The following CHD4 variants were observed in gnomAD, a reference collection of about 807,000 sequenced individuals.
CHD4 encodes the protein chromodomain helicase DNA binding protein 4, also known as ATP-dependent chromatin remodeler CHD4.
In CHD4, 35 loss-of-function variants were observed where a neutral mutation model predicts 235.5. The ratio of observed to expected loss-of-function variants is 0.15; its 90% CI spans 0.11 to 0.20. CHD4 has a LOEUF of 0.20. Among genes scored for constraint, CHD4 ranks in the 10% least tolerant of loss-of-function variants. CHD4 has a pLI of 1.00. For synonymous variants in CHD4, 900 were observed against 850.2 expected (o/e 1.06, Z -1.02); for missense variants, 1,329 against 2,432.3 (o/e 0.55, Z 9.54).
At chr12:6,603,732 C>T (rs968355796) in intron 2 of CHD4, among the ~76,000 whole-genome samples, 1 of 152,150 alleles carries the variant, frequency 6.6e-6, no homozygotes, top group South Asian at 2.1e-4. Flanking sequence ...AAGAGAAGAA[C>T]TCGATCACTC....
In CHD4 at chr12:6,570,967, T is replaced by C; in HGVS notation, c.5623A>G (p.Ile1875Val). 6.2e-7 allele frequency: 1 copy of C among 1,614,184 alleles called. No individual in the cohort carries two copies. Among genetic ancestry groups the C allele is most frequent in the South Asian group, 1.1e-5 (1 of 91,084 alleles). Reference protein sequence around the residue: ...KADVTRLPATIARIPPVAVRL... With the variant: ...KADVTRLPATVARIPPVAVRL... ...ACAGCAACTGGGGGAATTCGGGCAA[T>C]GGTAGCTGGGAGTCGAGTCACATCA... Residue 1875 changes from isoleucine (I) to valine (V), a missense_variant, in exon 39 of 40, where the codon ATT (isoleucine) becomes GTT (valine). By Grantham distance (29) the Ile-to-Val change is conservative (BLOSUM62 3). This residue lies in a region of CHD4 where 135 missense variants were observed against 282.3 expected (regional missense o/e 0.48). Transcript: ENST00000544040.
chr12:6,600,290 C>T lies in CHD4; in HGVS notation c.1169G>A (p.Arg390His), dbSNP rs756628084. 5 of 1,614,120 alleles carry T rather than the reference C, an allele frequency of 3.1e-6. No individual in the cohort carries two copies. Among genetic ancestry groups the T allele is most frequent in the Non-Finnish European group, 3.4e-6 (4 of 1,180,024 alleles). The stretch of plus-strand genomic sequence containing the variant: ...ATCCAGGCAGACCATGTGGTAAGCA[C>T]GGGGACAGGTATCACACAGGATGAT... ...GEIILCDTCP[R>H]AYHMVCLDPD... The change falls in exon 9 of 40, where the codon CGT becomes CAT. Residue 390 changes from arginine to histidine, a missense_variant. Coordinates refer to ENST00000544040, the MANE Select transcript of CHD4 (RefSeq NM_001273.5).
chr12:6,595,827 G>GT (rs1948483074), intron 13 of CHD4, among the ~76,000 whole-genome samples, 179 bp downstream of exon 13: 2 of 150,420 alleles, frequency 1.3e-5, no homozygotes, highest in Admixed American at 6.6e-5. Flanking sequence ...GTGTGGTGGC[G>GT]TATGCAAATA....
At chr12:6,602,738 AC>A (rs1948619801) in intron 2 of CHD4, among the ~76,000 whole-genome samples, 3 of 152,066 alleles carry the variant, frequency 2.0e-5, no homozygotes, top group African/African-American at 7.2e-5. Context: ...AGCTGTCCAG[AC>A]CCCTGCCTCC....
chr12:6,590,434 G>C (rs995773266), intron 22 of CHD4, among the ~76,000 whole-genome samples: 8 of 152,130 alleles, frequency 5.3e-5, no homozygotes, highest in Non-Finnish European at 1.2e-4. Flanking sequence ...AGAGAAGCTA[G>C]CTAGTTGAAC....
chr12:6,597,821 C>G (rs1948526060), intron 12 of CHD4, 73 bp downstream of exon 12: 1 of 1,333,330 alleles, frequency 7.5e-7, no homozygotes, highest in African/African-American at 1.5e-5. Flanking sequence ...TTACTGGTGA[C>G]AGCCATTTTC....
At chr12:6,577,655 G>T in intron 37 of CHD4, 130 bp downstream of exon 37, 1 of 1,247,374 alleles carries the variant, frequency 8.0e-7, no homozygotes, top group Non-Finnish European at 1.1e-6. Context: ...TAAGTTACTT[G>T]GGAGCAAAGC....
chr12:6,597,758 C>G, intron 12 of CHD4, 136 bp downstream of exon 12: 1 of 767,800 alleles, frequency 1.3e-6, no homozygotes, highest in Admixed American at 2.4e-5. Context: ...GAGTGAGACT[C>G]TGTCTCAAAA....
intron 11 of CHD4, 44 bp from the exon 12 acceptor site, chr12:6,598,143 A>G (rs1948531088): frequency 1.9e-6 from 3 of 1,612,774 alleles, no homozygotes; most frequent in Non-Finnish European, 2.5e-6. Flanking sequence ...AGCTGTGTTC[A>G]TTCCTTCTAT....
chr12:6,573,352 A>G (rs932206109), intron 37 of CHD4, 83 bp from the exon 38 acceptor site: 2 of 1,128,684 alleles, frequency 1.8e-6, no homozygotes, highest in Non-Finnish European at 2.4e-6. Flanking sequence ...CTCACCTCTC[A>G]TTGTTTCAGA....
chr12:6,604,470 C>A (rs12099908), intron 2 of CHD4, among the ~76,000 whole-genome samples: 34,463 of 151,872 alleles, frequency 0.23, 5,392 homozygotes, highest in African/African-American at 0.45. Flanking sequence ...GGCACAAGAA[C>A]GCCCCTCCCA....
intron 28 of CHD4, 26 bp from the exon 29 acceptor site, chr12:6,582,774 G>C: frequency 6.2e-7 from 1 of 1,614,110 alleles, no homozygotes; most frequent in Non-Finnish European, 8.5e-7. Context: ...ACCCAGGTGA[G>C]AGGCAGCAGG....
chr12:6,590,827 T>TAAACA (rs1373775565), intron 22 of CHD4, among the ~76,000 whole-genome samples: 1 of 151,646 alleles, frequency 6.6e-6, no homozygotes, highest in Non-Finnish European at 1.5e-5. Flanking sequence ...CTATCTCGAA[T>TAAACA]AAACAAAACA....
intron 4 of CHD4, 70 bp downstream of exon 4, chr12:6,601,890 C>A: frequency 2.6e-6 from 4 of 1,565,688 alleles, no homozygotes; most frequent in South Asian, 1.1e-5. Flanking sequence ...TTCTAAAGGG[C>A]AGTAAGGTGT....
At chr12:6,584,923 C>T (rs147152222) in intron 25 of CHD4, among the ~76,000 whole-genome samples, 4 of 152,162 alleles carry the variant, frequency 2.6e-5, no homozygotes, top group Non-Finnish European at 5.9e-5. Flanking sequence ...TTGAACACTA[C>T]GGTACACAGA....
Position 6,570,157 on chromosome 12 carries a change from C to CT in CHD4, c.*518dup, listed in dbSNP as rs201057993. 1,525 of 145,530 alleles carry CT rather than the reference C, an allele frequency of 0.01. 11 individuals are homozygous for CT. The highest frequency in any genetic ancestry group is 0.015 in the East Asian group (74 of 5,030). 9.0% of individuals were successfully genotyped at this position (145,530 alleles called of 1,614,324 possible). A position where few individuals can be genotyped will look rare whatever the true frequency, so the allele number is the denominator to read the frequency against. On this transcript the variant is annotated 3_prime_UTR_variant, in exon 40 of 40. Transcript: ENST00000544040. ...GGTTTTTTATGCTTTTGGTTTTTTCCTTTTTTTTTTTTTCCACTTTATTTC... is the reference window on the plus strand; with the variant it reads ...GGTTTTTTATGCTTTTGGTTTTTTCCTTTTTTTTTTTTTTCCACTTTATTTC...
chr12:6,571,148 TTC>T (rs1383430738), intron 38 of CHD4, 116 bp from the exon 39 acceptor site: 3 of 1,208,272 alleles, frequency 2.5e-6, no homozygotes, highest in Middle Eastern at 2.7e-4. Flanking sequence ...ATGTATTGTC[TTC>T]TGTCATCTGA....
chr12:6,580,203 G>T (rs1411790943), intron 33 of CHD4: 1 of 151,928 alleles, frequency 6.6e-6, no homozygotes, highest in East Asian at 1.9e-4. Flanking sequence ...CTCCTGCCTG[G>T]GTGACAGAGT....
In CHD4 at chr12:6,592,704, C is replaced by G; in HGVS notation, c.2766G>C (p.Glu922Asp). ...GATAAACACATACTTACTGGAACCT[C>G]TCGGGGGTGAGAAAGTTGAGCAGAT... Reference protein sequence around the residue: ...LFHLLNFLTPERFHNLEGFLE... With the variant: ...LFHLLNFLTPDRFHNLEGFLE... The change falls in exon 18 of 40, where the codon GAG becomes GAC. Residue 922 changes from glutamate (E) to aspartate (D), a missense_variant. This residue lies in a region of CHD4 where 23 missense variants were observed against 130.0 expected (regional missense o/e 0.18). Coordinates refer to ENST00000544040, the MANE Select transcript of CHD4 (RefSeq NM_001273.5). 6.2e-7 allele frequency: 1 copy of G among 1,613,932 alleles called. No individual in the cohort carries two copies. The highest frequency in any genetic ancestry group is 8.5e-7 in the Non-Finnish European group (1 of 1,179,946).
Sources: allele counts gnomAD v4.1 joint callset (sites outside exome capture counted in the v4.1 genomes callset), GRCh38; gene constraint gnomAD v4.1.1; regional missense constraint gnomAD v4.1.1; transcripts MANE v1.5; gene names NCBI Gene and HGNC (gene_info 2026-07-23, HGNC 2026-07-21).